Variants in DNAAF11 observed in about 807,000 individuals in gnomAD.
The protein encoded by DNAAF11 is leucine rich repeat containing 6.
A neutral mutation model predicts 60.8 loss-of-function variants in DNAAF11; 45 were observed. That is an observed-to-expected ratio of 0.74 (90% CI 0.58 to 0.95). DNAAF11 has a LOEUF of 0.95. DNAAF11 is among the 40% of genes least tolerant of loss of function. DNAAF11 has a pLI of 0.00. For missense variants in DNAAF11, 546 were observed against 546.2 expected (o/e 1.00, Z 0.00); for synonymous variants, 191 against 183.5 (o/e 1.04, Z -0.33).
chr8:132,699,591 T>G, the DNAAF11 span, among the ~76,000 whole-genome samples: 1 of 152,016 alleles, frequency 6.6e-6, no homozygotes, highest in Non-Finnish European at 1.5e-5. Context: ...CCTTCAAATA[T>G]CCTTTCCCAT....
At position 132,629,845 on chromosome 8, in the gene DNAAF11, G is replaced by T. The variant is rs767772807; in HGVS notation, c.653+2895C>A. Among the ~76,000 whole-genome samples the T allele has an allele frequency of 1.1e-3, 162 of 152,248 alleles. 1 individual carries two copies. The highest frequency in any genetic ancestry group is 7.7e-4 in the East Asian group (4 of 5,180). ...AAGATTAACACAATATCAGTATACA[G>T]AAATAATTTGTCCCTTTAAATATCA... On this transcript the variant is annotated intron_variant, in intron 5 of 11. Coordinates refer to ENST00000620350, the MANE Select transcript of DNAAF11 (RefSeq NM_012472.6).
At chr8:132,572,581 G>T in intron 11 of DNAAF11, 101 bp from the exon 12 acceptor site, 1 of 753,632 alleles carries the variant, frequency 1.3e-6, no homozygotes, top group Non-Finnish European at 2.1e-6. Flanking sequence ...ACGTTGGCAA[G>T]TAATATGCCT....
intron 3 of DNAAF11, among the ~76,000 whole-genome samples, chr8:132,656,260 A>G (rs1476390838): frequency 1.3e-5 from 2 of 152,222 alleles, no homozygotes; most frequent in Non-Finnish European, 2.9e-5. Flanking sequence ...AATAGAAAGC[A>G]AAATGAAACA....
At chr8:132,663,433 A>C (rs111521288) in intron 1 of DNAAF11, among the ~76,000 whole-genome samples, 16 of 152,346 alleles carry the variant, frequency 1.1e-4, no homozygotes, top group African/African-American at 3.8e-4. Context: ...TAAATGTATG[A>C]TCTAGATCTG....
rs186033479 is a variant in DNAAF11 at position 132,658,428 on chromosome 8, T to A, written c.179-1521A>T. 2.6e-5 allele frequency among the ~76,000 whole-genome samples: 4 copies of A among 152,262 alleles called. No homozygotes were observed. In the East Asian group the frequency reaches 7.8e-4, roughly 30 times the overall value. On this transcript the variant is annotated intron_variant, in intron 2 of 11. Transcript: ENST00000620350. ...AGCTCCGCCTCCCGGGTTCACACCATTCTCCTGCCTCAGCCTCCTGAGTAG... is the reference window on the plus strand; with the variant it reads ...AGCTCCGCCTCCCGGGTTCACACCAATCTCCTGCCTCAGCCTCCTGAGTAG...
intron 8 of DNAAF11, among the ~76,000 whole-genome samples, chr8:132,613,834 T>A (rs1180797929): frequency 6.6e-6 from 1 of 152,164 alleles, no homozygotes. Context: ...CTCCCAGGGT[T>A]ACTGAGAGAT....
chr8:132,695,300 GTAT>G, the DNAAF11 span, among the ~76,000 whole-genome samples: 1 of 152,172 alleles, frequency 6.6e-6, no homozygotes, highest in East Asian at 1.9e-4. Context: ...TTTAAGACAG[GTAT>G]TATTACAACA....
At chr8:132,678,359 A>G (rs1276606572), upstream of DNAAF11, among the ~76,000 whole-genome samples, 1 of 152,192 alleles carries the variant, frequency 6.6e-6, no homozygotes, top group East Asian at 1.9e-4. Context: ...CCAATAACTA[A>G]TCAATGTTAT....
chr8:132,616,426 C>A (rs1032314809), intron 7 of DNAAF11, among the ~76,000 whole-genome samples: 2 of 152,058 alleles, frequency 1.3e-5, no homozygotes. Flanking sequence ...GAGTTAGTGT[C>A]CACTAGTGGT....
At chr8:132,634,450 G>T (rs1036255079) in intron 4 of DNAAF11, among the ~76,000 whole-genome samples, 3 of 151,906 alleles carry the variant, frequency 2.0e-5, no homozygotes, top group Admixed American at 6.6e-5. Flanking sequence ...CTTCAATAAA[G>T]GTATCTTCAT....
At chr8:132,602,163 T>C (rs1242697578) in intron 10 of DNAAF11, among the ~76,000 whole-genome samples, 5 of 152,194 alleles carry the variant, frequency 3.3e-5, no homozygotes, top group Admixed American at 3.3e-4. Context: ...CATATTTCAA[T>C]TTTAAAACAT....
intron 11 of DNAAF11, among the ~76,000 whole-genome samples, chr8:132,572,699 A>AG (rs1235782495): frequency 1.3e-5 from 2 of 152,090 alleles, no homozygotes; most frequent in East Asian, 1.9e-4. Context: ...AAAAAAAAAA[A>AG]AAGTCACTGG....
the DNAAF11 span, among the ~76,000 whole-genome samples, chr8:132,691,358 T>G: frequency 1.3e-5 from 2 of 152,194 alleles, no homozygotes; most frequent in Non-Finnish European, 2.9e-5. Context: ...TGTTTTGTTT[T>G]GATCACTTCC....
At chr8:132,697,489 G>A in the DNAAF11 span, among the ~76,000 whole-genome samples, 7 of 152,046 alleles carry the variant, frequency 4.6e-5, no homozygotes, top group African/African-American at 1.7e-4. Flanking sequence ...GTGGTGGCAT[G>A]CACCTGTAAT....
At chr8:132,671,405 T>C (rs1191723929) in intron 1 of DNAAF11, among the ~76,000 whole-genome samples, 1 of 152,178 alleles carries the variant, frequency 6.6e-6, no homozygotes, top group Non-Finnish European at 1.5e-5. Context: ...TGGAGATATA[T>C]CCCTTGTTTT....
intron 10 of DNAAF11, among the ~76,000 whole-genome samples, chr8:132,589,148 A>G (rs913359107): frequency 1.3e-5 from 2 of 152,212 alleles, no homozygotes; most frequent in African/African-American, 4.8e-5. Flanking sequence ...GAGGTTTGAT[A>G]TGAATTTTAA....
intron 3 of DNAAF11, among the ~76,000 whole-genome samples, chr8:132,650,451 G>A (rs1563685401): frequency 6.6e-6 from 1 of 152,020 alleles, no homozygotes; most frequent in Admixed American, 6.6e-5. Flanking sequence ...ACACCAACAT[G>A]GCACATGTAT....
chr8:132,615,906 A>G (rs1819101626), intron 7 of DNAAF11, among the ~76,000 whole-genome samples: 1 of 152,148 alleles, frequency 6.6e-6, no homozygotes, highest in Admixed American at 6.6e-5. Flanking sequence ...GAAAATGTGA[A>G]GTTAGCGATA....
At chr8:132,601,615 C>T (rs937462895) in intron 10 of DNAAF11, among the ~76,000 whole-genome samples, 2 of 152,140 alleles carry the variant, frequency 1.3e-5, no homozygotes, top group Non-Finnish European at 2.9e-5. Context: ...AGTTCATGTC[C>T]TTTGTAGGGA....
Sources: gnomAD v4.1 joint callset for allele counts (sites outside exome capture counted in the v4.1 genomes callset) on GRCh38, gnomAD v4.1.1 for gene constraint, MANE v1.5 for transcripts, NCBI Gene and HGNC (gene_info 2026-07-23, HGNC 2026-07-21) for gene names.